The following IQGAP3 variants were observed in gnomAD, a reference collection of about 807,000 sequenced individuals.
IQGAP3 encodes IQ motif containing GTPase activating protein 3.
IQGAP3 carries 165 observed loss-of-function variants against 208.2 expected under a neutral mutation model. The observed-to-expected ratio is 0.79, with a 90% CI of 0.70 to 0.90. IQGAP3 has a LOEUF of 0.90. Among genes scored for constraint, IQGAP3 ranks in the 40% least tolerant of loss-of-function variants. IQGAP3 has a pLI of 0.00. For missense variants in IQGAP3, 1,811 were observed against 2,043.1 expected (o/e 0.89, Z 2.19); for synonymous variants, 703 against 803.6 (o/e 0.87, Z 2.12).
rs113694304 is a variant in IQGAP3, at chr1:156,566,583, A to C, written c.126-37T>G. The C allele has an allele frequency of 2.3e-3, 3,717 of 1,603,548 alleles. 70 individuals carry two copies. In the African/African-American group the frequency reaches 0.044, roughly 19 times the overall value. ...AGAACACCTTCTCACGCACTCTGGC[A>C]GACCACAGTGATTTATTCTAACAAC... On this transcript the variant is annotated intron_variant, in intron 2 of 37. Transcript: ENST00000361170.
rs137933779 is a variant in IQGAP3 at position 156,529,759 on chromosome 1, A to G, written c.4404+346T>C. 7.9e-3 allele frequency among the ~76,000 whole-genome samples: 1,200 copies of G among 152,044 alleles called. 38 individuals carry two copies. Among genetic ancestry groups the G allele is most frequent in the East Asian group, 0.062 (320 of 5,158 alleles). Reference sequence around the variant, plus strand: ...CATGGCCTGAAACCGTGTCTCTACTAAAAATACAAAAATTAGCCGGGCATG... The same window carrying G: ...CATGGCCTGAAACCGTGTCTCTACTGAAAATACAAAAATTAGCCGGGCATG... On this transcript the variant is annotated intron_variant, in intron 34 of 37. Transcript: ENST00000361170.
In IQGAP3 at chr1:156,539,193, C is replaced by T. The variant is rs1674858364; in HGVS notation, c.3057-160G>A. ...TCATCCTTTGTGTTAGCATGTCAGC[C>T]CATATCCTCCCACTGTGCTGTCCCA... On this transcript the variant is annotated intron_variant, in intron 25 of 37. Transcript: ENST00000361170. 4 of 809,062 alleles carry T rather than the reference C, an allele frequency of 4.9e-6. No individual in the cohort carries two copies. The Admixed American group carries it at 6.8e-5, about 14-fold the overall frequency. 50.1% of individuals were successfully genotyped at this position (809,062 alleles called of 1,614,324 possible).
rs767719165 is a variant in IQGAP3 at position 156,563,368 on chromosome 1, C to T, written c.620-56G>A. 28 of 1,520,186 alleles carry T rather than the reference C, an allele frequency of 1.8e-5. No individual in the cohort carries two copies. The South Asian group carries it at 1.9e-4, about 10-fold the overall frequency. The allele number at this position is 1,520,186 out of a possible 1,614,324, so 94.2% of individuals were successfully genotyped here. A position where few individuals can be genotyped will look rare whatever the true frequency, so the allele number is the denominator to read the frequency against. On this transcript the variant is annotated intron_variant, in intron 7 of 37. Coordinates refer to ENST00000361170, the MANE Select transcript of IQGAP3 (RefSeq NM_178229.5). The stretch of plus-strand genomic sequence containing the variant: ...GGCCAGAGTGAATCCCAGATTGGAG[C>T]GCAACCAGTAGCAGCCCACTCTAAT...
chr1:156,551,740 G>C lies in IQGAP3; in HGVS notation c.1699C>G (p.Leu567Val). The C allele has an allele frequency of 6.2e-7, 1 of 1,613,626 alleles. No individual in the cohort carries two copies. The highest frequency in any genetic ancestry group is 8.5e-7 in the Non-Finnish European group (1 of 1,179,934). The change falls in exon 15 of 38, where the codon CTC becomes GTC. Residue 567 changes from leucine to valine, a missense_variant. Coordinates refer to ENST00000361170, the MANE Select transcript of IQGAP3 (RefSeq NM_178229.5). ...TGCCTTTTGGCTGCCACAAGGAGGA[G>C]ATGGTACCGAGGGGCGACAGGGAGG... Reference protein sequence around the residue: ...VSLPVAPRYHLLLVAAKRQKA... With the variant: ...VSLPVAPRYHVLLVAAKRQKA...
rs1464564511 is a variant in IQGAP3, at chr1:156,563,681, C to CA, written c.506-16dup. On this transcript the variant is annotated splice_polypyrimidine_tract_variant and intron_variant, in intron 6 of 37. Transcript: ENST00000361170. ...GAGTTCCTCAGCTGCAATGATGCCA[C>CA]AGGTGCCCTTCATCAGGCCCAGAAC... is the stretch of plus-strand genomic sequence containing the variant. 1 of 1,610,754 alleles carries CA rather than the reference C, an allele frequency of 6.2e-7. No homozygotes were observed. Among genetic ancestry groups the CA allele is most frequent in the Non-Finnish European group, 8.5e-7 (1 of 1,178,078 alleles).
In IQGAP3 at chr1:156,527,515, C is replaced by T. The variant is rs78898147; in HGVS notation, c.4782+437G>A. On this transcript the variant is annotated intron_variant, in intron 37 of 37. Coordinates refer to ENST00000361170, the MANE Select transcript of IQGAP3 (RefSeq NM_178229.5). ...AAACAAAAACCCAAAAAAGCAACAA[C>T]AACAACCACAACCAAAAACACCGTT... 8.0e-3 allele frequency among the ~76,000 whole-genome samples: 1,217 copies of T among 152,210 alleles called. 8 individuals carry two copies. The highest frequency in any genetic ancestry group is 0.03 in the South Asian group (145 of 4,814).
chr1:156,557,569 G>C (rs1409536234), intron 11 of IQGAP3, among the ~76,000 whole-genome samples: 1 of 83,106 alleles, frequency 1.2e-5, no homozygotes, highest in African/African-American at 3.8e-5. Flanking sequence ...AGGTGGGGGG[G>C]TCAGCCCCCC....
chr1:156,561,801 A>G, intron 10 of IQGAP3, 37 bp downstream of exon 10: 2 of 1,604,216 alleles, frequency 1.2e-6, no homozygotes, highest in Non-Finnish European at 1.7e-6. Flanking sequence ...TCCTATAGTC[A>G]CATACAGGGG....
intron 36 of IQGAP3, 25 bp from the exon 37 acceptor site, chr1:156,528,085 G>A (rs772573303): frequency 2.6e-6 from 4 of 1,546,844 alleles, no homozygotes; most frequent in Non-Finnish European, 3.6e-6. Context: ...ATTCAAAACA[G>A]GAACCCACTG....
In IQGAP3 at chr1:156,539,486, T is replaced by C. The variant is rs1333943050; in HGVS notation, c.2944A>G (p.Thr982Ala). 3 of 1,613,988 alleles carry C rather than the reference T, an allele frequency of 1.9e-6. No individual in the cohort carries two copies. The highest frequency in any genetic ancestry group is 4.5e-5 in the East Asian group (2 of 44,878). Residue 982 changes from threonine (T) to alanine (A), a missense_variant, in exon 25 of 38, where the codon ACC becomes GCC. Transcript: ENST00000361170. The stretch of plus-strand genomic sequence containing the variant: ...ATCACTGCCTCCATGAACTTGGTGG[T>C]TTTGTTCTGTGGCATCTGAAAGATC... ...KLIFQMPQNK[T>A]TKFMEAVIFS...
intron 4 of IQGAP3, 100 bp downstream of exon 4, chr1:156,565,927 T>C (rs562771733): frequency 5.6e-6 from 5 of 889,066 alleles, no homozygotes; most frequent in African/African-American, 5.0e-5. Context: ...AGAAGACACA[T>C]GGAAATAGGG....
At chr1:156,552,753 A>T (rs1032468028) in intron 13 of IQGAP3, among the ~76,000 whole-genome samples, 1 of 152,144 alleles carries the variant, frequency 6.6e-6, no homozygotes, top group Non-Finnish European at 1.5e-5. Context: ...GTCAGTTCTC[A>T]GCACAGCAGC....
chr1:156,563,182 C>T lies in IQGAP3; in HGVS notation c.750G>A (p.Glu250=), dbSNP rs1261323263. Residue 250 remains glutamate (E), a synonymous_variant, in exon 8 of 38, where the codon GAG becomes GAA. Transcript: ENST00000361170. ...LREPLAAVYQ[E]MLAQAKMEKA... ...TCTCCATCTTGGCCTGGGCCAGCAT[C>T]TCTTGGTAGACGGCTGCCAGAGGCT... The T allele has an allele frequency of 6.2e-7, 1 of 1,612,290 alleles. No homozygotes were observed. The highest frequency in any genetic ancestry group is 8.5e-7 in the Non-Finnish European group (1 of 1,178,530).
intron 36 of IQGAP3, 131 bp from the exon 37 acceptor site, chr1:156,528,191 G>C: frequency 1.4e-6 from 1 of 696,562 alleles, no homozygotes; most frequent in Non-Finnish European, 2.5e-6. Context: ...GTCACTCCCA[G>C]AGGGCCCAGC....
chr1:156,555,308 G>T (rs951892520), intron 12 of IQGAP3, among the ~76,000 whole-genome samples: 1 of 152,018 alleles, frequency 6.6e-6, no homozygotes, highest in African/African-American at 2.4e-5. Context: ...CACAATCTTG[G>T]CTCTCCCGGG....
chr1:156,546,894 A>C (rs748008491), intron 19 of IQGAP3, among the ~76,000 whole-genome samples: 10 of 152,116 alleles, frequency 6.6e-5, no homozygotes, highest in Non-Finnish European at 1.3e-4. Flanking sequence ...TGTCCCTCCT[A>C]TCACAATGTC....
chr1:156,535,366 G>C (rs1282133877), intron 27 of IQGAP3, 119 bp from the exon 28 acceptor site: 1 of 686,188 alleles, frequency 1.5e-6, no homozygotes, highest in Non-Finnish European at 2.5e-6. Context: ...CCAGAGTAGA[G>C]CTCAAGCACT....
intron 23 of IQGAP3, 148 bp from the exon 24 acceptor site, chr1:156,540,138 T>C (rs974871820): frequency 1.2e-6 from 1 of 808,006 alleles, no homozygotes; most frequent in Non-Finnish European, 1.9e-6. Flanking sequence ...AGTTCTAGGG[T>C]GAGGAAGGGC....
chr1:156,530,052 G>GCACA, intron 34 of IQGAP3, 53 bp downstream of exon 34: 5 of 1,316,090 alleles, frequency 3.8e-6, no homozygotes, highest in Non-Finnish European at 5.3e-6. Context: ...GTATATGCAC[G>GCACA]CACACACACA....
Sources: gnomAD v4.1 joint callset for allele counts (sites outside exome capture counted in the v4.1 genomes callset) on GRCh38, gnomAD v4.1.1 for gene constraint, MANE v1.5 for transcripts, NCBI Gene and HGNC (gene_info 2026-07-23, HGNC 2026-07-21) for gene names.